Variants in C14orf93 observed in about 807,000 individuals in gnomAD.
The protein encoded by C14orf93 is uncharacterized protein C14orf93.
A neutral mutation model predicts 44.0 loss-of-function variants in C14orf93; 23 were observed. The ratio of observed to expected loss-of-function variants is 0.52; its 90% CI spans 0.38 to 0.74. C14orf93 has a LOEUF of 0.74. Ranked by LOEUF, C14orf93 falls within the 30% of genes least tolerant of loss-of-function variation. C14orf93 has a pLI of 0.00. For synonymous variants in C14orf93, 253 were observed against 265.7 expected, an observed-to-expected ratio of 0.95 and a Z score of 0.46; for missense variants, 579 against 678.9, an observed-to-expected ratio of 0.85 and a Z score of 1.64.
chr14:23,003,876 ATATATATATATATATATATATATTTTTTT>A (rs1243607408), intron 1 of C14orf93, among the ~76,000 whole-genome samples: 31 of 12,424 alleles, frequency 2.5e-3, no homozygotes, highest in African/African-American at 0.011. Flanking sequence ...ATATATATAT[ATATATATATATATATATATATATTTTTTT>A]TTTTTTTTTT....
At chr14:22,993,056 CT>C (rs2045757703) in intron 3 of C14orf93, among the ~76,000 whole-genome samples, 1 of 151,674 alleles carries the variant, frequency 6.6e-6, no homozygotes, top group Non-Finnish European at 1.5e-5. Context: ...ATTTTTGTAT[CT>C]TTAGTAGAGA....
chr14:22,987,709 G>A lies in C14orf93; in HGVS notation c.1198-75C>T, dbSNP rs2045314844. The A allele has an allele frequency of 6.9e-7, 1 of 1,459,122 alleles. No individual in the cohort carries two copies. The highest frequency in any genetic ancestry group is 2.3e-5 in the Admixed American group (1 of 43,744). 90.4% of individuals were successfully genotyped at this position (1,459,122 alleles called of 1,614,324 possible). On this transcript the variant is annotated intron_variant, in intron 6 of 6. Transcript: ENST00000299088. This position sits in a 1 kb window ranked among gnomAD's most constrained non-coding sequence, Gnocchi z 5.6. Reference sequence around the variant, plus strand: ...TTAGATTTGGGGAAAAGGTTTGGTGGGGAAGGCTGTGTAAAATCTGTGCCT... The same window carrying A: ...TTAGATTTGGGGAAAAGGTTTGGTGAGGAAGGCTGTGTAAAATCTGTGCCT...
Position 22,990,107 on chromosome 14 carries a change from A to T in C14orf93, c.939T>A (p.His313Gln). 6.2e-7 allele frequency: 1 copy of T among 1,613,740 alleles called. No individual in the cohort carries two copies. The highest frequency in any genetic ancestry group is 8.5e-7 in the Non-Finnish European group (1 of 1,179,724). Residue 313 changes from histidine (H) to glutamine (Q), a missense_variant, in exon 4 of 7, where the codon CAT (histidine) becomes CAA (glutamine). Transcript: ENST00000299088. ...ATCTCTTGTCATTGGTGATGTGGTT[A>T]TGCACATTGTGGACCAGTTTCTAGG... The part of the protein sequence containing the change: ...LVLSKLVHNV[H>Q]NHITNDKRFN...
chr14:23,002,451 C>CAAA lies in C14orf93; in HGVS notation c.-379-3052_-379-3050dup, dbSNP rs397709228. 2.8e-3 allele frequency among the ~76,000 whole-genome samples: 252 copies of CAAA among 89,056 alleles called. 1 individual carries two copies. Among genetic ancestry groups the CAAA allele is most frequent in the African/African-American group, 9.8e-3 (231 of 23,618 alleles). 58.4% of individuals were successfully genotyped at this position (89,056 alleles called of 152,430 possible). A position where few individuals can be genotyped will look rare whatever the true frequency, so the allele number is the denominator to read the frequency against. On this transcript the variant is annotated intron_variant, in intron 1 of 6. Transcript: ENST00000299088. ...TGGGTGATGGAACGAGACTCCATCT[C>CAAA]AAAAAAAAAAAAAAAAAAATGAGGT...
intron 1 of C14orf93, among the ~76,000 whole-genome samples, chr14:23,002,103 C>T (rs1047900254): frequency 6.8e-6 from 1 of 147,568 alleles, no homozygotes; most frequent in Non-Finnish European, 1.5e-5. Context: ...GAGCCGAGAT[C>T]GCACCACTGC....
intron 3 of C14orf93, among the ~76,000 whole-genome samples, chr14:22,995,661 C>T (rs971265569): frequency 8.9e-6 from 1 of 112,318 alleles, no homozygotes; most frequent in African/African-American, 3.7e-5. Context: ...GCCTGGGTGA[C>T]AGAGTGAGAC....
intron 3 of C14orf93, among the ~76,000 whole-genome samples, chr14:22,994,492 C>G (rs762991372): frequency 1.3e-5 from 2 of 149,550 alleles, no homozygotes; most frequent in Non-Finnish European, 3.0e-5. Context: ...GGTGACAGAG[C>G]GAGACTAAAA....
At chr14:22,988,096 A>T in intron 5 of C14orf93, 81 bp from the exon 6 acceptor site, 1 of 849,750 alleles carries the variant, frequency 1.2e-6, no homozygotes, top group Non-Finnish European at 1.9e-6. Context: ...CCCTAACACT[A>T]TTGAATGGGA....
chr14:22,987,331 C>T lies in C14orf93; in HGVS notation c.1501G>A (p.Glu501Lys), dbSNP rs200546806. The change falls in exon 7 of 7, where the codon GAA (glutamate) becomes AAA (lysine). Residue 501 changes from glutamate to lysine, a missense_variant. Coordinates refer to ENST00000299088, the MANE Select transcript of C14orf93 (RefSeq NM_021944.4). The surrounding 1 kb of genome is among the most constrained non-coding windows in gnomAD (Gnocchi z 5.6). ...GCATTCTCATCCCCTCCCTCATCTTCCTCTTCTTGGAAATTAGGATTGTAA... is the reference window on the plus strand; with the variant it reads ...GCATTCTCATCCCCTCCCTCATCTTTCTCTTCTTGGAAATTAGGATTGTAA... ...ELYNPNFQEE[E>K]DEGGDENAPG... 2 of 1,614,128 alleles carry T rather than the reference C, an allele frequency of 1.2e-6. No individual in the cohort carries two copies. The highest frequency in any genetic ancestry group is 1.7e-6 in the Non-Finnish European group (2 of 1,180,044).
intron 1 of C14orf93, among the ~76,000 whole-genome samples, chr14:23,002,140 T>C (rs60449063): frequency 0.012 from 1,411 of 121,090 alleles, 30 homozygotes; most frequent in African/African-American, 0.044. Context: ...CAGAGCGAGA[T>C]TCCGTCTCAA....
intron 1 of C14orf93, among the ~76,000 whole-genome samples, chr14:23,004,210 AAT>A (rs144325862): frequency 2.7e-4 from 38 of 138,684 alleles, no homozygotes; most frequent in Middle Eastern, 4.1e-3. Context: ...TCCCGGCCAA[AAT>A]ATATATATAT....
chr14:23,005,828 T>A (rs1022257574), intron 1 of C14orf93: 7 of 152,182 alleles, frequency 4.6e-5, no homozygotes, highest in Admixed American at 1.3e-4. Context: ...CAGTTCAGGG[T>A]AAGACTGTCC....
intron 1 of C14orf93, among the ~76,000 whole-genome samples, chr14:23,001,785 T>C (rs1458906040): frequency 6.7e-6 from 1 of 148,230 alleles, no homozygotes; most frequent in African/African-American, 2.5e-5. Flanking sequence ...TAAATAGTCT[T>C]TCCTTGGTCG....
At chr14:23,009,864 A>C (rs953173970) in intron 1 of C14orf93, among the ~76,000 whole-genome samples, 7 of 152,136 alleles carry the variant, frequency 4.6e-5, no homozygotes, top group East Asian at 1.9e-4. Flanking sequence ...AGAAAAAAAA[A>C]CTATAAATTT....
chr14:23,003,891 TATATATA>T (rs1387345968), intron 1 of C14orf93, among the ~76,000 whole-genome samples: 26 of 16,752 alleles, frequency 1.6e-3, no homozygotes, highest in African/African-American at 3.5e-3. Flanking sequence ...TATATATATA[TATATATA>T]TTTTTTTTTT....
chr14:22,990,217 TA>T (rs2045515673), intron 3 of C14orf93, 90 bp from the exon 4 acceptor site: 1 of 1,108,990 alleles, frequency 9.0e-7, no homozygotes. Context: ...GTATTGTCCC[TA>T]AGGGGCTCTC....
rs767762132 is a variant in C14orf93 at position 22,996,135 on chromosome 14, G to T, written c.731C>A (p.Thr244Asn). ...ATPETGPENG[T>N]KLPPPRPEDM... ...CTCAGGGCGGGGTGGTGGCAGCTTG[G>T]TTCCATTTTCTGGTCCTGTCTCTGG... Residue 244 changes from threonine to asparagine, a missense_variant, in exon 3 of 7, where the codon ACC becomes AAC. By Grantham distance (65) the Thr-to-Asn change is moderately conservative. Coordinates refer to ENST00000299088, the MANE Select transcript of C14orf93 (RefSeq NM_021944.4). The surrounding 1 kb of genome is among the most constrained non-coding windows in gnomAD (Gnocchi z 4.1). 1 of 1,614,028 alleles carries T rather than the reference G, an allele frequency of 6.2e-7. No individual in the cohort carries two copies. Among genetic ancestry groups the T allele is most frequent in the South Asian group, 1.1e-5 (1 of 91,064 alleles).
chr14:22,992,686 C>G (rs1468377301), intron 3 of C14orf93, among the ~76,000 whole-genome samples: 1 of 150,936 alleles, frequency 6.6e-6, no homozygotes, highest in Non-Finnish European at 1.5e-5. Context: ...CTGGTTCAAG[C>G]AATTCTCCTG....
At chr14:22,988,114 G>T in intron 5 of C14orf93, 99 bp from the exon 6 acceptor site, 1 of 763,034 alleles carries the variant, frequency 1.3e-6, no homozygotes. Flanking sequence ...GGAGGTTGGC[G>T]ATCACTACTT....
Sources: gnomAD v4.1 joint callset for allele counts (sites outside exome capture counted in the v4.1 genomes callset) on GRCh38, gnomAD v4.1.1 for gene constraint, Gnocchi (gnomAD v3.1) non-coding constraint, MANE v1.5 for transcripts, NCBI Gene and HGNC (gene_info 2026-07-23, HGNC 2026-07-21) for gene names.